DRAXIN: variants seen among roughly 807,000 people sequenced by gnomAD.
The protein encoded by DRAXIN is dorsal inhibitory axon guidance protein.
In DRAXIN, 27 loss-of-function variants were observed where a neutral mutation model predicts 33.9. The observed-to-expected ratio is 0.80, with a 90% CI of 0.59 to 1.10. The LOEUF (loss-of-function observed/expected upper bound fraction) is 1.10, where lower values mean the gene tolerates loss of function less well. DRAXIN is among the 50% of genes least tolerant of loss of function. The pLI is 0.00. For synonymous variants in DRAXIN, 178 were observed against 194.0 expected (o/e 0.92, Z 0.69); for missense variants, 371 against 460.8 (o/e 0.81, Z 1.78).
rs1053948939 is a variant in DRAXIN at position 11,724,825 on chromosome 1, GC to G, written c.*5132del. On this transcript the variant is annotated 3_prime_UTR_variant, in exon 7 of 7. Transcript: ENST00000294485. ...TGGGGGTTTCACGGGGTTGGACTGA[GC>G]CCTGTCACCTCTGTGATAGTCTTCA... 2.6e-5 allele frequency: 4 copies of G among 152,356 alleles called. No homozygotes were observed. Among genetic ancestry groups the G allele is most frequent in the Non-Finnish European group, 4.4e-5 (3 of 68,098 alleles). 9.4% of individuals were successfully genotyped at this position (152,356 alleles called of 1,614,324 possible). A position where few individuals can be genotyped will look rare whatever the true frequency, so the allele number is the denominator to read the frequency against.
At position 11,705,539 on chromosome 1, in the gene DRAXIN, G is replaced by A. The variant is rs1253779873; in HGVS notation, c.-10-710G>A. 1.3e-5 allele frequency among the ~76,000 whole-genome samples: 2 copies of A among 152,166 alleles called. No homozygotes were observed. Among genetic ancestry groups the A allele is most frequent in the Non-Finnish European group, 2.9e-5 (2 of 68,028 alleles). Reference sequence around the variant, plus strand: ...TGGGGCCTCAGAGCTCATCATGAGAGGAGAAGAGAAAGGCAGAGCTGGGCC... The same window carrying A: ...TGGGGCCTCAGAGCTCATCATGAGAAGAGAAGAGAAAGGCAGAGCTGGGCC... On this transcript the variant is annotated intron_variant, in intron 1 of 6. Transcript: ENST00000294485. The surrounding 1 kb of genome is among the most constrained non-coding windows in gnomAD (Gnocchi z 4.8).
chr1:11,697,224 C>T (rs1641207884), intron 1 of DRAXIN, among the ~76,000 whole-genome samples: 1 of 152,128 alleles, frequency 6.6e-6, no homozygotes, highest in Admixed American at 6.5e-5. Flanking sequence ...CATCTGTGAG[C>T]TGGAATCGGT....
rs757737963 is a variant in DRAXIN, at chr1:11,706,476, G to GC, written c.220dup (p.Gln74ProfsTer21). 6 of 1,610,910 alleles carry GC rather than the reference G, an allele frequency of 3.7e-6. No individual in the cohort carries two copies. In the South Asian group the frequency reaches 6.6e-5, roughly 18 times the overall value. ...AAGGAGTGGGGCCCAGGCCTGCCCA[G>GC]CCAGGCCCAGGATGGGGCTGTGGTC... On this transcript the variant is annotated frameshift_variant, in exon 2 of 7. Transcript: ENST00000294485. LOFTEE classifies it high-confidence loss of function. The surrounding 1 kb of genome is among the most constrained non-coding windows in gnomAD (Gnocchi z 5.5).
chr1:11,705,302 G>T lies in DRAXIN; in HGVS notation c.-10-947G>T, dbSNP rs1194238903. ...GAGCAGCTGCGGGTGGTGCACGGGG[G>T]CAGGAGGTCTCCAGAGTCTGACAGA... On this transcript the variant is annotated intron_variant, in intron 1 of 6. Coordinates refer to ENST00000294485, the MANE Select transcript of DRAXIN (RefSeq NM_198545.4). This position sits in a 1 kb window ranked among gnomAD's most constrained non-coding sequence, Gnocchi z 4.8. Among the ~76,000 whole-genome samples, 1 of 152,084 alleles carries T rather than the reference G, an allele frequency of 6.6e-6. No homozygotes were observed. Among genetic ancestry groups the T allele is most frequent in the African/African-American group, 2.4e-5 (1 of 41,402 alleles).
At chr1:11,703,452 G>A (rs1469078576) in intron 1 of DRAXIN, among the ~76,000 whole-genome samples, 1 of 152,168 alleles carries the variant, frequency 6.6e-6, no homozygotes, top group Non-Finnish European at 1.5e-5. Context: ...TGGGGCCCAG[G>A]GAGCAGTCTC....
In DRAXIN at chr1:11,705,811, G is replaced by T. The variant is rs748492188; in HGVS notation, c.-10-438G>T. Among the ~76,000 whole-genome samples the T allele has an allele frequency of 4.6e-5, 7 of 152,160 alleles. No homozygotes were observed. Among genetic ancestry groups the T allele is most frequent in the Non-Finnish European group, 1.0e-4 (7 of 68,024 alleles). On this transcript the variant is annotated intron_variant, in intron 1 of 6. Transcript: ENST00000294485. The surrounding 1 kb of genome is among the most constrained non-coding windows in gnomAD (Gnocchi z 4.8). ...TTCCATTTGTATGGAATTAGGCTCC[G>T]AGTCAAGTCTCAGGGGCCAGAGGCA...
At position 11,725,408 on chromosome 1, in the gene DRAXIN, C is replaced by A. The variant is rs944554328; in HGVS notation, c.*5712C>A. The A allele has an allele frequency of 6.6e-6, 1 of 152,248 alleles. No individual in the cohort carries two copies. Among genetic ancestry groups the A allele is most frequent in the Non-Finnish European group, 1.5e-5 (1 of 68,040 alleles). 9.4% of individuals were successfully genotyped at this position (152,248 alleles called of 1,614,324 possible). ...CAGAATCTCTGGGGGTGGGGCCCAG[C>A]CATTTGGCTTTTCACAAGTTCTCCA... On this transcript the variant is annotated 3_prime_UTR_variant, in exon 7 of 7. Transcript: ENST00000294485.
At chr1:11,699,171 T>C (rs952169416) in intron 1 of DRAXIN, among the ~76,000 whole-genome samples, 7 of 152,176 alleles carry the variant, frequency 4.6e-5, no homozygotes, top group African/African-American at 1.2e-4. Context: ...TGGGACCACC[T>C]AATCCAATGG....
At position 11,705,139 on chromosome 1, in the gene DRAXIN, CAAAG is replaced by C. The variant is rs367648430; in HGVS notation, c.-10-1106_-10-1103del. Among the ~76,000 whole-genome samples the C allele has an allele frequency of 9.2e-5, 14 of 152,314 alleles. No individual in the cohort carries two copies. In the East Asian group the frequency reaches 2.3e-3, roughly 25 times the overall value. The stretch of plus-strand genomic sequence containing the variant: ...GGGACAATTATATGGCCACAAATCA[CAAAG>C]AAACGGTGGCGTAAGCACCCTTGCC... On this transcript the variant is annotated intron_variant, in intron 1 of 6. Transcript: ENST00000294485. This position sits in a 1 kb window ranked among gnomAD's most constrained non-coding sequence, Gnocchi z 4.8.
At chr1:11,695,957 C>G (rs936878601) in intron 1 of DRAXIN, among the ~76,000 whole-genome samples, 1 of 152,132 alleles carries the variant, frequency 6.6e-6, no homozygotes, top group Admixed American at 6.5e-5. Flanking sequence ...GGTGTGAGGT[C>G]TGGGGTGGGT....
chr1:11,706,241 T>G lies in DRAXIN; in HGVS notation c.-10-8T>G, dbSNP rs763393335. On this transcript the variant is annotated splice_polypyrimidine_tract_variant and splice_region_variant and intron_variant, in intron 1 of 6. Transcript: ENST00000294485. The surrounding 1 kb of genome is among the most constrained non-coding windows in gnomAD (Gnocchi z 5.5). Reference sequence around the variant, plus strand: ...GGCTGCGCATTCATGGTGTTGCTCTTCTTGCAGGGAGGAGCCAATGGCTGG... The same window carrying G: ...GGCTGCGCATTCATGGTGTTGCTCTGCTTGCAGGGAGGAGCCAATGGCTGG... 2 of 1,564,006 alleles carry G rather than the reference T, an allele frequency of 1.3e-6. No homozygotes were observed. Among genetic ancestry groups the G allele is most frequent in the African/African-American group, 2.7e-5 (2 of 73,668 alleles).
chr1:11,691,797 G>A lies in DRAXIN; in HGVS notation c.-67G>A, dbSNP rs1031897512. The A allele has an allele frequency of 4.6e-5, 7 of 150,900 alleles. No homozygotes were observed. The highest frequency in any genetic ancestry group is 1.7e-4 in the African/African-American group (7 of 41,042). 9.3% of individuals were successfully genotyped at this position (150,900 alleles called of 1,614,324 possible). A position where few individuals can be genotyped will look rare whatever the true frequency, so the allele number is the denominator to read the frequency against. The stretch of plus-strand genomic sequence containing the variant: ...CCGCGGCTCGCCCTCGGCTGCGCTC[G>A]GCTCCCGCGGGCGCTCGGCCCCGAG... On this transcript the variant is annotated 5_prime_UTR_variant, in exon 1 of 7. Transcript: ENST00000294485.
rs1641655764 is a variant in DRAXIN at position 11,721,223 on chromosome 1, C to T, written c.*1527C>T. The T allele has an allele frequency of 6.6e-6, 1 of 152,242 alleles. No individual in the cohort carries two copies. Among genetic ancestry groups the T allele is most frequent in the Admixed American group, 6.5e-5 (1 of 15,286 alleles). The allele number at this position is 152,242 out of a possible 1,614,324, so 9.4% of individuals were successfully genotyped here. ...CCACAAAACCATCCCTGGAACCCCA[C>T]CCCACATTTTTGCAGCAGAGCCCAC... On this transcript the variant is annotated 3_prime_UTR_variant, in exon 7 of 7. Coordinates refer to ENST00000294485, the MANE Select transcript of DRAXIN (RefSeq NM_198545.4).
rs947128808 is a variant in DRAXIN at position 11,704,915 on chromosome 1, G to A, written c.-10-1334G>A. On this transcript the variant is annotated intron_variant, in intron 1 of 6. Coordinates refer to ENST00000294485, the MANE Select transcript of DRAXIN (RefSeq NM_198545.4). The surrounding 1 kb of genome is among the most constrained non-coding windows in gnomAD (Gnocchi z 4.6). ...GTGAAGCCACCACAGACCCTGCGAGGCTGGAGAAGGTGTTTCCCCCCTCCC... is the reference window on the plus strand; with the variant it reads ...GTGAAGCCACCACAGACCCTGCGAGACTGGAGAAGGTGTTTCCCCCCTCCC... Among the ~76,000 whole-genome samples the A allele has an allele frequency of 3.3e-5, 5 of 152,158 alleles. No homozygotes were observed. The highest frequency in any genetic ancestry group is 4.4e-5 in the Non-Finnish European group (3 of 68,014).
At position 11,694,018 on chromosome 1, in the gene DRAXIN, C is replaced by G. The variant is rs1258769014; in HGVS notation, c.-11+2165C>G. ...TTTGCTAGGGCTCTTTCTGCCCTGCCCTGTGTTTGATCTCAGCCCTCTGTC... is the reference window on the plus strand; with the variant it reads ...TTTGCTAGGGCTCTTTCTGCCCTGCGCTGTGTTTGATCTCAGCCCTCTGTC... On this transcript the variant is annotated intron_variant, in intron 1 of 6. Transcript: ENST00000294485. This position sits in a 1 kb window ranked among gnomAD's most constrained non-coding sequence, Gnocchi z 4.9. Among the ~76,000 whole-genome samples the G allele has an allele frequency of 6.6e-6, 1 of 152,164 alleles. No homozygotes were observed. Among genetic ancestry groups the G allele is most frequent in the African/African-American group, 2.4e-5 (1 of 41,444 alleles).
At position 11,723,328 on chromosome 1, in the gene DRAXIN, C is replaced by A. The variant is rs1326846729; in HGVS notation, c.*3632C>A. 1.3e-5 allele frequency: 2 copies of A among 152,278 alleles called. No homozygotes were observed. The highest frequency in any genetic ancestry group is 3.9e-4 in the East Asian group (2 of 5,176). 9.4% of individuals were successfully genotyped at this position (152,278 alleles called of 1,614,324 possible). A position where few individuals can be genotyped will look rare whatever the true frequency, so the allele number is the denominator to read the frequency against. ...AACATTCACAGGCCTGGGGCCCACC[C>A]ACAAAGCTTCTGTTTTGTTTGGTCT... On this transcript the variant is annotated 3_prime_UTR_variant, in exon 7 of 7. Coordinates refer to ENST00000294485, the MANE Select transcript of DRAXIN (RefSeq NM_198545.4).
At position 11,697,712 on chromosome 1, in the gene DRAXIN, A is replaced by G. The variant is rs551120822; in HGVS notation, c.-11+5859A>G. ...AGAGGGGCTCAGCTAGTGGCTGACC[A>G]CCGGGATTCACTCTCCCCTGCGATC... On this transcript the variant is annotated intron_variant, in intron 1 of 6. Coordinates refer to ENST00000294485, the MANE Select transcript of DRAXIN (RefSeq NM_198545.4). Among the ~76,000 whole-genome samples, 61 of 152,220 alleles carry G rather than the reference A, an allele frequency of 4.0e-4. 1 individual carries two copies. The South Asian group carries it at 6.9e-3, about 17-fold the overall frequency.
At chr1:11,718,006 A>G (rs925014395) in intron 6 of DRAXIN, among the ~76,000 whole-genome samples, 1 of 149,114 alleles carries the variant, frequency 6.7e-6, no homozygotes, top group Non-Finnish European at 1.5e-5. Flanking sequence ...GTCTCAAAAA[A>G]AAAAAAAAAA....
chr1:11,719,084 A>G (rs1456329881), intron 6 of DRAXIN, among the ~76,000 whole-genome samples: 1 of 151,874 alleles, frequency 6.6e-6, no homozygotes, highest in Non-Finnish European at 1.5e-5. Context: ...TATTTTTTTA[A>G]GTAGAGACGG....
Sources: gnomAD v4.1 joint callset for allele counts (sites outside exome capture counted in the v4.1 genomes callset) on GRCh38, gnomAD v4.1.1 for gene constraint, Gnocchi (gnomAD v3.1) non-coding constraint, MANE v1.5 for transcripts, NCBI Gene and HGNC (gene_info 2026-07-23, HGNC 2026-07-21) for gene names.